Variants in UROS observed in about 807,000 individuals in gnomAD.
The protein encoded by UROS is uroporphyrinogen III synthase.
In UROS, 18 loss-of-function variants were observed where a neutral mutation model predicts 33.0. That is an observed-to-expected ratio of 0.55 (90% confidence interval 0.38 to 0.81). The LOEUF is 0.81. UROS is among the 30% of genes least tolerant of loss of function. The pLI, the probability that UROS is intolerant of heterozygous loss-of-function variation, is 0.00. For missense variants in UROS, 293 were observed against 314.9 expected (o/e 0.93, Z 0.53); for synonymous variants, 114 against 121.1 (o/e 0.94, Z 0.38).
chr10:125,802,695 C>T, intron 6 of UROS: 1 of 1,324,444 alleles, frequency 7.6e-7, no homozygotes, highest in Non-Finnish European at 9.7e-7. Flanking sequence ...ACAGTGCTGG[C>T]TCATGAAACA....
At chr10:125,810,753 C>A (rs1852735288) in intron 5 of UROS, among the ~76,000 whole-genome samples, 1 of 152,154 alleles carries the variant, frequency 6.6e-6, no homozygotes, top group African/African-American at 2.4e-5. Flanking sequence ...TGTCCCTGTA[C>A]CTACTCAAAA....
intron 6 of UROS, chr10:125,807,188 A>G: frequency 1.7e-6 from 1 of 575,350 alleles, no homozygotes; most frequent in Non-Finnish European, 3.1e-6. Flanking sequence ...GTTATGTTCA[A>G]GTCAAGTTCT....
chr10:125,813,667 T>C (rs1270468789), intron 4 of UROS, among the ~76,000 whole-genome samples: 3 of 152,142 alleles, frequency 2.0e-5, no homozygotes, highest in African/African-American at 7.2e-5. Context: ...TTGGTAGAGA[T>C]GGGGTTTCAC....
intron 5 of UROS, 87 bp from the exon 6 acceptor site, chr10:125,807,574 G>C: frequency 1.0e-6 from 1 of 1,002,938 alleles, no homozygotes; most frequent in East Asian, 2.4e-5. Flanking sequence ...CAAATACACA[G>C]GTATGCAGTT....
chr10:125,788,684 C>T lies in UROS; in HGVS notation c.*184G>A, dbSNP rs866670577. ...AGCTGGCTTCCACAGAGGGCAGTCA[C>T]GTGCACGTGGGCCTGAGGCCAGCCC... On this transcript the variant is annotated 3_prime_UTR_variant, in exon 10 of 10. Transcript: ENST00000368797. 2.7e-5 allele frequency: 39 copies of T among 1,431,270 alleles called. No individual in the cohort carries two copies. Among genetic ancestry groups the T allele is most frequent in the Middle Eastern group, 5.1e-4 (2 of 3,900 alleles). The allele number at this position is 1,431,270 out of a possible 1,614,324, so 88.7% of individuals were successfully genotyped here. A position where few individuals can be genotyped will look rare whatever the true frequency, so the allele number is the denominator to read the frequency against.
chr10:125,804,574 A>G (rs1266640459), intron 6 of UROS, among the ~76,000 whole-genome samples: 2 of 152,196 alleles, frequency 1.3e-5, no homozygotes, highest in Non-Finnish European at 2.9e-5. Flanking sequence ...ACTTGTATCT[A>G]AAGTGGGGGA....
At chr10:125,802,438 C>T in intron 6 of UROS, 1 of 986,444 alleles carries the variant, frequency 1.0e-6, no homozygotes, top group South Asian at 4.7e-5. Context: ...TGGAACATTC[C>T]ACAGAAAGCA....
intron 4 of UROS, 75 bp downstream of exon 4, chr10:125,814,959 T>A (rs1179599968): frequency 6.6e-7 from 1 of 1,524,184 alleles, no homozygotes; most frequent in Non-Finnish European, 9.0e-7. Flanking sequence ...CAGCTGCTTC[T>A]GGAATTTAGT....
intron 1 of UROS, among the ~76,000 whole-genome samples, chr10:125,822,294 T>C (rs1854004543): frequency 6.7e-6 from 1 of 149,846 alleles, no homozygotes; most frequent in African/African-American, 2.5e-5. Context: ...GTCTTTAACC[T>C]AGACTACCCC....
Position 125,790,922 on chromosome 10 carries a change from T to A in UROS, c.661-1917A>T, listed in dbSNP as rs187662234. ...CCTGGCCAACATGGTGAAACCCCCA[T>A]CTCTACTAAAAATACAAAAATTAGC... On this transcript the variant is annotated intron_variant, in intron 9 of 9. Transcript: ENST00000368797. Among the ~76,000 whole-genome samples the A allele has an allele frequency of 2.3e-3, 346 of 150,594 alleles. 2 individuals carry two copies. Among genetic ancestry groups the A allele is most frequent in the African/African-American group, 8.2e-3 (334 of 40,906 alleles).
rs528491199 is a variant in UROS at position 125,821,189 on chromosome 10, T to C, written c.-27+1840A>G. Reference sequence around the variant, plus strand: ...GACTCGAACAGATATTTGATACTCATGTTCATAGCAACATTATTTACAACA... The same window carrying C: ...GACTCGAACAGATATTTGATACTCACGTTCATAGCAACATTATTTACAACA... On this transcript the variant is annotated intron_variant, in intron 1 of 9. Transcript: ENST00000368797. Among the ~76,000 whole-genome samples the C allele has an allele frequency of 2.2e-4, 33 of 152,368 alleles. 1 individual carries two copies. Among genetic ancestry groups the C allele is most frequent in the African/African-American group, 7.5e-4 (31 of 41,580 alleles).
intron 6 of UROS, among the ~76,000 whole-genome samples, chr10:125,805,498 G>C (rs2133887667): frequency 6.6e-6 from 1 of 152,298 alleles, no homozygotes; most frequent in Non-Finnish European, 1.5e-5. Flanking sequence ...ACCCCCAAGA[G>C]TCTCTATAGC....
At chr10:125,789,301 G>A (rs1850755967) in intron 9 of UROS, 4 of 1,352,722 alleles carry the variant, frequency 3.0e-6, no homozygotes, top group Non-Finnish European at 3.8e-6. Context: ...CTGTGTCAGT[G>A]CAGTCCTTCC....
Position 125,789,064 on chromosome 10 carries a change from G to C in UROS, c.661-59C>G, listed in dbSNP as rs1269792253. On this transcript the variant is annotated intron_variant, in intron 9 of 9. Coordinates refer to ENST00000368797, the MANE Select transcript of UROS (RefSeq NM_000375.3). The stretch of plus-strand genomic sequence containing the variant: ...ACACCAGGAGGGGCTGGGGCAGCAG[G>C]CAGCTGGATGTGTGCAGGGGCCGTC... The C allele has an allele frequency of 9.4e-6, 15 of 1,598,008 alleles. No homozygotes were observed. The East Asian group carries it at 3.1e-4, about 33-fold the overall frequency.
chr10:125,815,035 T>C lies in UROS; in HGVS notation c.243A>G (p.Glu81=). ...ELCLEQNNKT[E]VWERSLKEKW... Reference sequence around the variant, plus strand: ...AATCCACAGCAGACCCACCCTCACCTTCAGTTTTATTGTTTTGCTCCAAAC... The same window carrying C: ...AATCCACAGCAGACCCACCCTCACCCTCAGTTTTATTGTTTTGCTCCAAAC... The change falls in exon 4 of 10, where the codon GAA becomes GAG. Residue 81 remains glutamate, a splice_region_variant and synonymous_variant. Coordinates refer to ENST00000368797, the MANE Select transcript of UROS (RefSeq NM_000375.3). 2 of 1,614,176 alleles carry C rather than the reference T, an allele frequency of 1.2e-6. No individual in the cohort carries two copies. Among genetic ancestry groups the C allele is most frequent in the South Asian group, 1.1e-5 (1 of 91,084 alleles).
Position 125,788,891 on chromosome 10 carries a change from G to A in UROS, c.775C>T (p.Leu259Phe), listed in dbSNP as rs1478591824. Residue 259 changes from leucine to phenylalanine, a missense_variant, in exon 10 of 10, where the codon CTC (leucine) becomes TTC (phenylalanine). By Grantham distance (22) the Leu-to-Phe change is conservative. Transcript: ENST00000368797. ...ACTCAGCAGCAGCCATGGGGCTGGA[G>A]AGCCTTCCTGATGCCAGTGGCCAGG... Reference protein sequence around the residue: ...QALATGIRKALQPHGCC With the variant: ...QALATGIRKAFQPHGCC 6.3e-7 allele frequency: 1 copy of A among 1,598,324 alleles called. No individual in the cohort carries two copies. The highest frequency in any genetic ancestry group is 1.3e-5 in the African/African-American group (1 of 74,858).
intron 6 of UROS, among the ~76,000 whole-genome samples, chr10:125,805,411 G>GT (rs1388299209): frequency 5.9e-5 from 9 of 152,240 alleles, no homozygotes; most frequent in African/African-American, 2.2e-4. Flanking sequence ...GGGATGAGCA[G>GT]TGGCCTTGCT....
chr10:125,816,142 A>G, intron 3 of UROS, 35 bp downstream of exon 3: 1 of 1,586,654 alleles, frequency 6.3e-7, no homozygotes, highest in Non-Finnish European at 8.7e-7. Context: ...GAGAAATCAA[A>G]CACTAACATG....
chr10:125,795,030 C>T, intron 8 of UROS, 52 bp from the exon 9 acceptor site: 1 of 1,518,838 alleles, frequency 6.6e-7, no homozygotes. Flanking sequence ...TGAGGAGAGA[C>T]AACATTCCTC....
Sources: allele counts gnomAD v4.1 joint callset (sites outside exome capture counted in the v4.1 genomes callset), GRCh38; gene constraint gnomAD v4.1.1; transcripts MANE v1.5; gene names NCBI Gene and HGNC (gene_info 2026-07-23, HGNC 2026-07-21).